DDX19B: variants seen among roughly 807,000 people sequenced by gnomAD.
The protein encoded by DDX19B is DEAD-box helicase 19B.
In DDX19B, 27 loss-of-function variants were observed where a neutral mutation model predicts 58.1. That is an observed-to-expected ratio of 0.46 (90% confidence interval 0.34 to 0.64). DDX19B has a LOEUF of 0.64. Among genes scored for constraint, DDX19B ranks in the 30% least tolerant of loss-of-function variants. The probability of loss-of-function intolerance (pLI) is 0.01; values close to 1 mark genes in which losing one functional copy is unlikely to be tolerated. For synonymous variants in DDX19B, 187 were observed against 214.4 expected, an observed-to-expected ratio of 0.87 and a Z score of 1.12; for missense variants, 399 against 596.5, an observed-to-expected ratio of 0.67 and a Z score of 3.45.
At chr16:70,308,069 C>G (rs1012629128) in intron 1 of DDX19B, among the ~76,000 whole-genome samples, 1 of 152,026 alleles carries the variant, frequency 6.6e-6, no homozygotes, top group Non-Finnish European at 1.5e-5. Flanking sequence ...TCTCCTGCCT[C>G]AGCCTCCTGA....
chr16:70,306,857 A>C (rs1961782582), intron 1 of DDX19B, among the ~76,000 whole-genome samples: 1 of 152,240 alleles, frequency 6.6e-6, no homozygotes, highest in African/African-American at 2.4e-5. Context: ...CTCTGTACAC[A>C]TTAGCAGTTA....
chr16:70,302,426 CTGA>C (rs1302378112), intron 1 of DDX19B, among the ~76,000 whole-genome samples: 2 of 152,124 alleles, frequency 1.3e-5, no homozygotes, highest in Admixed American at 1.3e-4. Context: ...CTGGCAGCTG[CTGA>C]TATGTTTTCT....
In DDX19B at chr16:70,316,052, C is replaced by T. The variant is rs1050420827; in HGVS notation, c.244C>T (p.Arg82Trp). The change falls in exon 4 of 12, where the codon CGG becomes TGG. Residue 82 changes from arginine (R) to tryptophan (W), a missense_variant. Arg to Trp is a moderately radical substitution (Grantham distance 101). Transcript: ENST00000288071. ...DNTNQVEVLQ[R>W]DPNSPLYSVK... ...CACAAACCAAGTGGAAGTCCTGCAG[C>T]GGGATCCAAACTCCCCTCTGTACTC... 4.7e-5 allele frequency: 76 copies of T among 1,613,928 alleles called. No homozygotes were observed. Among genetic ancestry groups the T allele is most frequent in the Non-Finnish European group, 5.6e-5 (66 of 1,180,026 alleles).
upstream of DDX19B, among the ~76,000 whole-genome samples, chr16:70,290,913 T>C (rs112509050): frequency 2.6e-5 from 4 of 152,206 alleles, no homozygotes; most frequent in African/African-American, 9.6e-5. Context: ...CACTGCACTA[T>C]TACCTCCATC....
upstream of DDX19B, among the ~76,000 whole-genome samples, chr16:70,296,481 G>A (rs1465416776): frequency 1.3e-5 from 2 of 152,102 alleles, no homozygotes; most frequent in African/African-American, 2.4e-5. Context: ...ATGGGAGCTT[G>A]GGGGCTTTTG....
intron 1 of DDX19B, among the ~76,000 whole-genome samples, chr16:70,311,353 C>T (rs1962086652): frequency 6.6e-6 from 1 of 152,096 alleles, no homozygotes; most frequent in African/African-American, 2.4e-5. Context: ...ACACTCCAGT[C>T]CAGGTGACAG....
At position 70,334,013 on chromosome 16, in the gene DDX19B, C is replaced by G; in HGVS notation, c.*431C>G. ...AAGGGAACACAGAGAGGGAGGCTTCCAGTAAGATAGGTGTGTAAGCCCAGC... is the reference window on the plus strand; with the variant it reads ...AAGGGAACACAGAGAGGGAGGCTTCGAGTAAGATAGGTGTGTAAGCCCAGC... On this transcript the variant is annotated 3_prime_UTR_variant, in exon 12 of 12. Coordinates refer to ENST00000288071, the MANE Select transcript of DDX19B (RefSeq NM_007242.7). 1 of 234,516 alleles carries G rather than the reference C, an allele frequency of 4.3e-6. No homozygotes were observed. Among genetic ancestry groups the G allele is most frequent in the South Asian group, 5.7e-5 (1 of 17,452 alleles). 14.5% of individuals were successfully genotyped at this position (234,516 alleles called of 1,614,324 possible).
intron 1 of DDX19B, 101 bp downstream of exon 1, chr16:70,299,455 G>T (rs745423340): frequency 3.6e-5 from 49 of 1,378,192 alleles, no homozygotes; most frequent in Non-Finnish European, 4.5e-5. Context: ...GGCTGGATGG[G>T]GTGGCGGGGA....
chr16:70,333,631 G>A lies in DDX19B; in HGVS notation c.*49G>A. 1 of 1,613,848 alleles carries A rather than the reference G, an allele frequency of 6.2e-7. No homozygotes were observed. Among genetic ancestry groups the A allele is most frequent in the Non-Finnish European group, 8.5e-7 (1 of 1,179,738 alleles). On this transcript the variant is annotated 3_prime_UTR_variant, in exon 12 of 12. Coordinates refer to ENST00000288071, the MANE Select transcript of DDX19B (RefSeq NM_007242.7). ...CAGCCCTGGCACTGCCCCTGCACAG[G>A]AGACAAGTGCGTTCAGGGCACAGGC... is the stretch of plus-strand genomic sequence containing the variant.
intron 5 of DDX19B, 83 bp downstream of exon 5, chr16:70,317,671 G>C (rs2152201294): frequency 7.8e-7 from 1 of 1,281,558 alleles, no homozygotes; most frequent in East Asian, 2.5e-5. Flanking sequence ...CAGCAAGGTG[G>C]CTTATGCCTA....
At chr16:70,324,827 G>A (rs1209638144) in intron 6 of DDX19B, 140 bp downstream of exon 6, 12 of 691,068 alleles carry the variant, frequency 1.7e-5, no homozygotes, top group Non-Finnish European at 2.7e-5. Flanking sequence ...CGAGGTGGGC[G>A]GATCACCTGA....
chr16:70,331,950 A>T, intron 10 of DDX19B, 66 bp downstream of exon 10: 1 of 1,589,524 alleles, frequency 6.3e-7, no homozygotes, highest in Non-Finnish European at 8.6e-7. Flanking sequence ...TAGAGCCAGA[A>T]ATCCTTGTAC....
Position 70,330,357 on chromosome 16 carries a change from C to T in DDX19B, c.1023+289C>T, listed in dbSNP as rs372131436. Among the ~76,000 whole-genome samples the T allele has an allele frequency of 4.6e-4, 70 of 152,058 alleles. 1 individual carries two copies. In the South Asian group the frequency reaches 0.013, roughly 28 times the overall value. ...ATCCCTGCACTTTGGGAGGCCAAGGCGGGTGGATCACCTGAGGTCAGGAGA... is the reference window on the plus strand; with the variant it reads ...ATCCCTGCACTTTGGGAGGCCAAGGTGGGTGGATCACCTGAGGTCAGGAGA... On this transcript the variant is annotated intron_variant, in intron 9 of 11. Coordinates refer to ENST00000288071, the MANE Select transcript of DDX19B (RefSeq NM_007242.7).
upstream of DDX19B, among the ~76,000 whole-genome samples, chr16:70,295,241 T>C (rs748187719): frequency 6.6e-6 from 1 of 152,158 alleles, no homozygotes; most frequent in Non-Finnish European, 1.5e-5. Context: ...CGCAGGTGTA[T>C]TGGGGGTGAA....
At chr16:70,309,290 T>C (rs1416131777) in intron 1 of DDX19B, among the ~76,000 whole-genome samples, 5 of 151,224 alleles carry the variant, frequency 3.3e-5, no homozygotes, top group African/African-American at 1.2e-4. Context: ...GGTCAGGAGA[T>C]CGAGACCATC....
At chr16:70,289,775 C>T in exon 1 of DDX19B, 2 of 423,546 alleles carry the variant, frequency 4.7e-6, no homozygotes, top group South Asian at 3.2e-5. Flanking sequence ...CCGCCCCCGG[C>T]TCCCGGAGGT....
upstream of DDX19B, among the ~76,000 whole-genome samples, chr16:70,290,653 C>G (rs921656778): frequency 6.6e-6 from 1 of 152,272 alleles, no homozygotes; most frequent in South Asian, 2.1e-4. Context: ...GAGCCCTGAT[C>G]GTGACACTGC....
chr16:70,322,635 T>C (rs1000717600), intron 5 of DDX19B, among the ~76,000 whole-genome samples: 9 of 148,074 alleles, frequency 6.1e-5, no homozygotes, highest in Non-Finnish European at 1.2e-4. Flanking sequence ...GGCTCACGAC[T>C]GTAATCCCAA....
intron 7 of DDX19B, 56 bp from the exon 8 acceptor site, chr16:70,329,236 A>G (rs1279986476): frequency 2.8e-5 from 44 of 1,565,586 alleles, no homozygotes; most frequent in Non-Finnish European, 3.7e-5. Flanking sequence ...AAAAAAAAAA[A>G]AAAAAAAGAA....
Sources: gnomAD v4.1 joint callset for allele counts (sites outside exome capture counted in the v4.1 genomes callset) on GRCh38, gnomAD v4.1.1 for gene constraint, MANE v1.5 for transcripts, NCBI Gene and HGNC (gene_info 2026-07-23, HGNC 2026-07-21) for gene names.